The following JDP2 variants were observed in gnomAD, a reference collection of about 807,000 sequenced individuals.
The protein encoded by JDP2 is progesterone receptor co-activator.
JDP2 carries 9 observed loss-of-function variants against 17.1 expected under a neutral mutation model. That is an observed-to-expected ratio of 0.53 (90% CI 0.32 to 0.92). JDP2 has a LOEUF of 0.92. Ranked by LOEUF, JDP2 falls within the 40% of genes least tolerant of loss-of-function variation. JDP2 has a pLI of 0.04. For synonymous variants in JDP2, 107 were observed against 95.6 expected, an observed-to-expected ratio of 1.12 and a Z score of -0.69; for missense variants, 179 against 220.0, an observed-to-expected ratio of 0.81 and a Z score of 1.18.
At chr14:75,454,173 T>C (rs80332521) in intron 2 of JDP2, among the ~76,000 whole-genome samples, 7 of 151,416 alleles carry the variant, frequency 4.6e-5, no homozygotes, top group Non-Finnish European at 7.4e-5. Flanking sequence ...GCTGGTGACG[T>C]CCCCTCCTTT....
intron 2 of JDP2, among the ~76,000 whole-genome samples, chr14:75,457,157 G>C (rs1170260918): frequency 6.6e-6 from 1 of 152,248 alleles, no homozygotes; most frequent in Admixed American, 6.5e-5. Context: ...TCTTCCAGCT[G>C]TATCTGCGGA....
chr14:75,433,227 T>TAAG (rs1288638329), intron 1 of JDP2, among the ~76,000 whole-genome samples: 1 of 74,324 alleles, frequency 1.3e-5, no homozygotes, highest in Admixed American at 1.3e-4. Context: ...AAAAAAAATG[T>TAAG]AAGGGGTTAG....
Position 75,471,350 on chromosome 14 carries a change from C to G in JDP2, c.*1875C>G, listed in dbSNP as rs565834662. On this transcript the variant is annotated 3_prime_UTR_variant, in exon 4 of 4. Transcript: ENST00000651602. ...CAGTGCCTGCTGTGTACCTGGCACT[C>G]GGCAGTTCTCAAGGCATGTCACGCA... The G allele has an allele frequency of 6.6e-6, 1 of 152,286 alleles. No individual in the cohort carries two copies. Among genetic ancestry groups the G allele is most frequent in the East Asian group, 1.9e-4 (1 of 5,202 alleles). 9.4% of individuals were successfully genotyped at this position (152,286 alleles called of 1,614,324 possible).
chr14:75,432,346 G>A (rs573259811), intron 1 of JDP2: 15 of 1,551,094 alleles, frequency 9.7e-6, no homozygotes, highest in Non-Finnish European at 1.3e-5. Context: ...GGTACTATGC[G>A]CCATGACCCC....
At chr14:75,433,666 G>A (rs533283534) in intron 1 of JDP2, among the ~76,000 whole-genome samples, 1 of 150,998 alleles carries the variant, frequency 6.6e-6, no homozygotes, top group African/African-American at 2.4e-5. Flanking sequence ...TAGGGTCCAC[G>A]GTGACCTTCT....
chr14:75,451,781 G>T (rs1034731432), intron 2 of JDP2, among the ~76,000 whole-genome samples: 19 of 152,266 alleles, frequency 1.2e-4, no homozygotes, highest in Non-Finnish European at 2.5e-4. Context: ...CCTCTGGGCT[G>T]GTCTGTGAAG....
intron 2 of JDP2, chr14:75,445,132 C>G (rs1410645804): frequency 4.1e-6 from 4 of 985,152 alleles, no homozygotes; most frequent in Admixed American, 6.2e-5. Context: ...ACTGAGTCCT[C>G]TCCTGGGTGA....
chr14:75,467,040 G>A (rs190045248), intron 3 of JDP2, among the ~76,000 whole-genome samples: 19 of 152,302 alleles, frequency 1.2e-4, no homozygotes, highest in Admixed American at 1.2e-3. Flanking sequence ...TGTCTACAGA[G>A]GAGATAACTG....
At chr14:75,446,044 C>G (rs1403311388) in intron 2 of JDP2, among the ~76,000 whole-genome samples, 2 of 152,004 alleles carry the variant, frequency 1.3e-5, no homozygotes, top group Admixed American at 6.6e-5. Context: ...CAACTAAGCA[C>G]ATGAAAAAAT....
intron 2 of JDP2, among the ~76,000 whole-genome samples, chr14:75,440,936 C>T (rs1885316052): frequency 6.6e-6 from 1 of 152,254 alleles, no homozygotes; most frequent in Non-Finnish European, 1.5e-5. Context: ...GCCTTGAGCC[C>T]AAGCTTTAAC....
At position 75,472,601 on chromosome 14, in the gene JDP2, G is replaced by A. The variant is rs1886838551; in HGVS notation, c.*3126G>A. 1 of 152,136 alleles carries A rather than the reference G, an allele frequency of 6.6e-6. No individual in the cohort carries two copies. The highest frequency in any genetic ancestry group is 2.4e-5 in the African/African-American group (1 of 41,412). 9.4% of individuals were successfully genotyped at this position (152,136 alleles called of 1,614,324 possible). On this transcript the variant is annotated 3_prime_UTR_variant, in exon 4 of 4. Coordinates refer to ENST00000651602, the MANE Select transcript of JDP2 (RefSeq NM_001135048.2). The stretch of plus-strand genomic sequence containing the variant: ...ACCTCATTTTTCTTATCTGTGAAGT[G>A]GGAACAGTAATAATCCAAGTCTTTT...
chr14:75,470,732 C>T lies in JDP2; in HGVS notation c.*1257C>T, dbSNP rs1025115109. The T allele has an allele frequency of 4.2e-4, 64 of 152,234 alleles. No individual in the cohort carries two copies. Among genetic ancestry groups the T allele is most frequent in the African/African-American group, 1.5e-3 (64 of 41,456 alleles). 9.4% of individuals were successfully genotyped at this position (152,234 alleles called of 1,614,324 possible). On this transcript the variant is annotated 3_prime_UTR_variant, in exon 4 of 4. Transcript: ENST00000651602. ...GGATGAAACAGACCTAAGTCTTGCCCTTGTGGGGCCTCCAGTAAGGAGTGA... is the reference window on the plus strand; with the variant it reads ...GGATGAAACAGACCTAAGTCTTGCCTTTGTGGGGCCTCCAGTAAGGAGTGA...
chr14:75,438,986 G>A (rs1415034022), intron 2 of JDP2, among the ~76,000 whole-genome samples: 1 of 152,220 alleles, frequency 6.6e-6, no homozygotes, highest in East Asian at 1.9e-4. Flanking sequence ...GCCTGTGGTG[G>A]GAGGTGGGGA....
rs1884756897 is a variant in JDP2, at chr14:75,430,685, A to G, written c.-24+2433A>G. The stretch of plus-strand genomic sequence containing the variant: ...TGGCCAATGAAACCGGGCCTGGCTC[A>G]TTCTGTTGCTTGTCTTGGCAGTCGG... On this transcript the variant is annotated intron_variant, in intron 1 of 3. Transcript: ENST00000651602. The surrounding 1 kb of genome is among the most constrained non-coding windows in gnomAD (Gnocchi z 4.5). 6.6e-6 allele frequency among the ~76,000 whole-genome samples: 1 copy of G among 152,068 alleles called. No individual in the cohort carries two copies. The highest frequency in any genetic ancestry group is 1.5e-5 in the Non-Finnish European group (1 of 68,024).
At chr14:75,449,899 C>G (rs1417982100) in intron 2 of JDP2, among the ~76,000 whole-genome samples, 1 of 152,224 alleles carries the variant, frequency 6.6e-6, no homozygotes, top group Non-Finnish European at 1.5e-5. Flanking sequence ...GTCACCCTGC[C>G]TAGCTGGCTT....
rs1566753920 is a variant in JDP2, at chr14:75,473,828, C to T, written c.*4353C>T. The T allele has an allele frequency of 6.6e-6, 1 of 152,196 alleles. No individual in the cohort carries two copies. Among genetic ancestry groups the T allele is most frequent in the African/African-American group, 2.4e-5 (1 of 41,438 alleles). 9.4% of individuals were successfully genotyped at this position (152,196 alleles called of 1,614,324 possible). A position where few individuals can be genotyped will look rare whatever the true frequency, so the allele number is the denominator to read the frequency against. Reference sequence around the variant, plus strand: ...TGGGTAATAGAGGTATAAAAGCCTGCACAAGAATGCTGTCAATATCACAAT... The same window carrying T: ...TGGGTAATAGAGGTATAAAAGCCTGTACAAGAATGCTGTCAATATCACAAT... On this transcript the variant is annotated 3_prime_UTR_variant, in exon 4 of 4. Coordinates refer to ENST00000651602, the MANE Select transcript of JDP2 (RefSeq NM_001135048.2).
upstream of JDP2, chr14:75,427,882 C>G (rs868836459): frequency 6.6e-6 from 1 of 151,972 alleles, no homozygotes; most frequent in Non-Finnish European, 1.5e-5. The surrounding 1 kb of genome is among the most constrained non-coding windows in gnomAD (Gnocchi z 4.4). Flanking sequence ...CTCCACACCC[C>G]CTCCTCCCCG....
chr14:75,429,607 G>A (rs1332933694), intron 1 of JDP2, among the ~76,000 whole-genome samples: 4 of 151,986 alleles, frequency 2.6e-5, no homozygotes, highest in Non-Finnish European at 4.4e-5. Flanking sequence ...GCTGCAGCTT[G>A]GATGGATAGC....
At chr14:75,432,145 C>T in intron 1 of JDP2, 1 of 623,960 alleles carries the variant, frequency 1.6e-6, no homozygotes, top group Non-Finnish European at 2.9e-6. Context: ...TGAAGAGGGC[C>T]TTTTGCTGCT....
Sources: gnomAD v4.1 joint callset for allele counts (sites outside exome capture counted in the v4.1 genomes callset) on GRCh38, gnomAD v4.1.1 for gene constraint, Gnocchi (gnomAD v3.1) non-coding constraint, MANE v1.5 for transcripts, NCBI Gene and HGNC (gene_info 2026-07-23, HGNC 2026-07-21) for gene names.